The following AKT3 variants were observed in gnomAD, a reference collection of about 807,000 sequenced individuals.
AKT3 encodes RAC-gamma serine/threonine-protein kinase.
In AKT3, 15 loss-of-function variants were observed where a neutral mutation model predicts 65.3. The observed-to-expected ratio is 0.23, with a 90% CI of 0.15 to 0.35. The LOEUF (loss-of-function observed/expected upper bound fraction) is 0.35, where lower values mean the gene tolerates loss of function less well. Ranked by LOEUF, AKT3 falls within the 10% of genes least tolerant of loss-of-function variation. AKT3 has a pLI of 1.00. For synonymous variants in AKT3, 206 were observed against 183.8 expected (o/e 1.12, Z -0.98); for missense variants, 243 against 576.5 (o/e 0.42, Z 5.92).
At chr1:243,719,740 A>AC (rs1686756591) in intron 2 of AKT3, among the ~76,000 whole-genome samples, 1 of 152,116 alleles carries the variant, frequency 6.6e-6, no homozygotes, top group South Asian at 2.1e-4. Flanking sequence ...GGGAAGAGAG[A>AC]AAGAACACTG....
intron 12 of AKT3, among the ~76,000 whole-genome samples, chr1:243,514,139 T>C (rs1670195342): frequency 6.6e-6 from 1 of 152,230 alleles, no homozygotes; most frequent in African/African-American, 2.4e-5. Flanking sequence ...TAGGTCTTTA[T>C]CTTTCCAATC....
intron 2 of AKT3, among the ~76,000 whole-genome samples, chr1:243,811,681 C>A (rs1435947266): frequency 2.6e-5 from 4 of 152,132 alleles, no homozygotes; most frequent in Non-Finnish European, 1.5e-5. Flanking sequence ...CTTTAAAGTA[C>A]ATATGGAACC....
At chr1:243,642,306 T>C (rs1031441240) in intron 5 of AKT3, among the ~76,000 whole-genome samples, 2 of 152,198 alleles carry the variant, frequency 1.3e-5, no homozygotes, top group Non-Finnish European at 2.9e-5. Flanking sequence ...TAAGTCCTTT[T>C]TTTTGTTTGT....
chr1:243,617,899 G>A (rs1678450659), intron 6 of AKT3, among the ~76,000 whole-genome samples: 1 of 152,042 alleles, frequency 6.6e-6, no homozygotes, highest in African/African-American at 2.4e-5. Flanking sequence ...ACATGAGAGT[G>A]AATCACAGAC....
downstream of AKT3, among the ~76,000 whole-genome samples, chr1:243,495,664 C>T (rs1667656179): frequency 6.6e-6 from 1 of 152,180 alleles, no homozygotes; most frequent in Non-Finnish European, 1.5e-5. Context: ...GCTGACTGCC[C>T]CTCGGCTCTG....
chr1:243,654,573 C>G (rs560645686), intron 4 of AKT3, among the ~76,000 whole-genome samples: 122 of 152,250 alleles, frequency 8.0e-4, no homozygotes, highest in Non-Finnish European at 1.5e-3. Flanking sequence ...CCTGCCTCAG[C>G]CTTCCAAGGT....
At chr1:243,609,252 TA>T (rs201067292) in intron 8 of AKT3, among the ~76,000 whole-genome samples, 1,691 of 142,674 alleles carry the variant, frequency 0.012, 19 homozygotes, top group East Asian at 0.069. Context: ...TCTGATAATC[TA>T]AAAAAAAAAA....
intron 4 of AKT3, among the ~76,000 whole-genome samples, chr1:243,651,878 G>A (rs1037525001): frequency 1.3e-5 from 2 of 151,912 alleles, no homozygotes; most frequent in African/African-American, 4.8e-5. Flanking sequence ...GTCTCTGCCA[G>A]GTTTCACCAA....
At chr1:243,792,293 A>G (rs1207660227) in intron 2 of AKT3, among the ~76,000 whole-genome samples, 3 of 37,506 alleles carry the variant, frequency 8.0e-5, no homozygotes, top group African/African-American at 3.3e-4. Context: ...TTGTGGGGAA[A>G]CAATTTATTC....
Position 243,539,125 on chromosome 1 carries a change from G to T in AKT3, c.1251+6385C>A, listed in dbSNP as rs1468773956. Among the ~76,000 whole-genome samples, 5 of 152,012 alleles carry T rather than the reference G, an allele frequency of 3.3e-5. No homozygotes were observed. The East Asian group carries it at 9.7e-4, about 29-fold the overall frequency. On this transcript the variant is annotated intron_variant, in intron 12 of 13. Transcript: ENST00000673466. ...TAAAAGCAGAATACAGTTGACCCTT[G>T]AACAACATGAGATTGAATTGCATGG...
chr1:243,520,384 T>A (rs1053563337), intron 12 of AKT3, among the ~76,000 whole-genome samples: 7 of 152,236 alleles, frequency 4.6e-5, no homozygotes, highest in African/African-American at 1.7e-4. Flanking sequence ...AATGAATTTC[T>A]GTTGTTTAAA....
intron 2 of AKT3, among the ~76,000 whole-genome samples, chr1:243,764,948 C>A (rs572811353): frequency 6.6e-6 from 1 of 152,198 alleles, no homozygotes; most frequent in South Asian, 2.1e-4. Flanking sequence ...ACATTTAGAA[C>A]AGCATTCATT....
intron 2 of AKT3, among the ~76,000 whole-genome samples, chr1:243,793,992 C>A (rs1474237929): frequency 3.3e-5 from 5 of 152,156 alleles, no homozygotes; most frequent in Non-Finnish European, 7.4e-5. Flanking sequence ...GAATTCAAGT[C>A]TAAATCTAAA....
At chr1:243,629,071 G>T (rs1021518202) in intron 6 of AKT3, among the ~76,000 whole-genome samples, 2 of 152,090 alleles carry the variant, frequency 1.3e-5, no homozygotes, top group Non-Finnish European at 2.9e-5. Flanking sequence ...GAGGTCAGGA[G>T]TTTGAGACCA....
At chr1:243,844,709 A>T (rs925912895) in intron 1 of AKT3, among the ~76,000 whole-genome samples, 2 of 152,206 alleles carry the variant, frequency 1.3e-5, no homozygotes, top group Non-Finnish European at 2.9e-5. Context: ...ATTTTTTTAA[A>T]AAGCAAAAAA....
chr1:243,545,088 A>T (rs1024509541), intron 12 of AKT3, among the ~76,000 whole-genome samples: 3 of 152,202 alleles, frequency 2.0e-5, no homozygotes. Context: ...TTCATTAAAT[A>T]TTAAAAACAA....
chr1:243,761,832 C>T (rs1029615757), intron 2 of AKT3, among the ~76,000 whole-genome samples: 4 of 152,048 alleles, frequency 2.6e-5, no homozygotes, highest in Admixed American at 1.3e-4. Flanking sequence ...AAAATATGTA[C>T]ACATTTTAAG....
chr1:243,692,803 T>C (rs1324785761), intron 3 of AKT3, among the ~76,000 whole-genome samples: 3 of 152,172 alleles, frequency 2.0e-5, no homozygotes, highest in Non-Finnish European at 4.4e-5. Context: ...CATAAAAGTT[T>C]TATTACTTAA....
chr1:243,802,244 C>A (rs1173391013), intron 2 of AKT3, among the ~76,000 whole-genome samples: 1 of 152,132 alleles, frequency 6.6e-6, no homozygotes, highest in Admixed American at 6.5e-5. Context: ...TTAAGCCTAA[C>A]TACTGGTAAG....
Sources: allele counts gnomAD v4.1 joint callset (sites outside exome capture counted in the v4.1 genomes callset), GRCh38; gene constraint gnomAD v4.1.1; transcripts MANE v1.5; gene names NCBI Gene and HGNC (gene_info 2026-07-23, HGNC 2026-07-21).